MANBA: variants seen among roughly 807,000 people sequenced by gnomAD.
MANBA encodes mannosidase beta.
Under a neutral mutation model 111.1 loss-of-function variants are expected in MANBA, and 83 were observed. That is an observed-to-expected ratio of 0.75 (90% CI 0.63 to 0.90). MANBA has a LOEUF of 0.90. MANBA is among the 40% of genes least tolerant of loss of function. The pLI is 0.00. For synonymous variants in MANBA, 370 were observed against 378.7 expected (o/e 0.98, Z 0.27); for missense variants, 1,036 against 1,069.0 (o/e 0.97, Z 0.43).
At chr4:102,728,606 G>A in intron 1 of MANBA, 1 of 475,216 alleles carries the variant, frequency 2.1e-6, no homozygotes, top group South Asian at 2.1e-5. Flanking sequence ...AGGCATGGGG[G>A]GTCCCCAGGT....
intron 10 of MANBA, chr4:102,665,171 C>T: frequency 3.9e-6 from 1 of 258,830 alleles, no homozygotes; most frequent in Non-Finnish European, 7.5e-6. Flanking sequence ...CTGTGGATTG[C>T]CACAAAGAAA....
intron 5 of MANBA, among the ~76,000 whole-genome samples, chr4:102,692,801 T>C (rs992669931): frequency 6.6e-6 from 1 of 151,866 alleles, no homozygotes; most frequent in Non-Finnish European, 1.5e-5. Context: ...AGCTGAGAAG[T>C]ATCTTAGAGA....
intron 1 of MANBA, chr4:102,728,321 C>CT (rs1391050121): frequency 1.9e-6 from 1 of 534,616 alleles, no homozygotes; most frequent in Non-Finnish European, 3.8e-6. Context: ...CTGGATGCTC[C>CT]TTGGGCCCAT....
chr4:102,638,489 C>T (rs1729726953), intron 14 of MANBA, among the ~76,000 whole-genome samples: 1 of 151,986 alleles, frequency 6.6e-6, no homozygotes, highest in South Asian at 2.1e-4. Flanking sequence ...TCCCACAGAC[C>T]TACTCTTCCT....
chr4:102,698,837 T>C (rs1236779411), intron 5 of MANBA, among the ~76,000 whole-genome samples: 4 of 151,584 alleles, frequency 2.6e-5, no homozygotes, highest in South Asian at 2.1e-4. Flanking sequence ...CTTGGCGATG[T>C]GGGCTCTTTT....
intron 12 of MANBA, chr4:102,650,960 T>C: frequency 2.3e-6 from 1 of 426,428 alleles, no homozygotes; most frequent in Non-Finnish European, 4.3e-6. Flanking sequence ...TATTTTGATG[T>C]TTCTCTTAAG....
rs772803127 is a variant in MANBA, at chr4:102,760,937, A to G, written c.-43T>C. ...CCGAGATGTGGAGAGATCGAAAGGCAGCGCTGCAAGGGACCGGCGGTGAAG... is the reference window on the plus strand; with the variant it reads ...CCGAGATGTGGAGAGATCGAAAGGCGGCGCTGCAAGGGACCGGCGGTGAAG... On this transcript the variant is annotated 5_prime_UTR_variant, in exon 1 of 17. Transcript: ENST00000647097. The G allele has an allele frequency of 7.2e-6, 11 of 1,528,152 alleles. No individual in the cohort carries two copies. The allele number at this position is 1,528,152 out of a possible 1,614,324, so 94.7% of individuals were successfully genotyped here.
At chr4:102,699,019 C>T (rs1240977608) in intron 5 of MANBA, among the ~76,000 whole-genome samples, 3 of 151,918 alleles carry the variant, frequency 2.0e-5, no homozygotes, top group Non-Finnish European at 2.9e-5. Context: ...TGTTTGTATC[C>T]TCTTTTATTT....
At chr4:102,743,413 C>T (rs1723480810) in intron 1 of MANBA, among the ~76,000 whole-genome samples, 1 of 152,172 alleles carries the variant, frequency 6.6e-6, no homozygotes, top group Non-Finnish European at 1.5e-5. Flanking sequence ...CAGGGATGTC[C>T]TAGAAAGGGG....
chr4:102,643,456 C>T (rs1729967613), intron 13 of MANBA, among the ~76,000 whole-genome samples: 1 of 152,122 alleles, frequency 6.6e-6, no homozygotes, highest in African/African-American at 2.4e-5. Flanking sequence ...CTATGTCTAA[C>T]TTTTTAAGGA....
At chr4:102,639,031 G>A (rs1412043359) in intron 14 of MANBA, among the ~76,000 whole-genome samples, 2 of 152,150 alleles carry the variant, frequency 1.3e-5, no homozygotes, top group African/African-American at 2.4e-5. Flanking sequence ...CATCTCTAGT[G>A]AAGGGCAAAG....
chr4:102,669,302 G>A (rs1007195387), intron 9 of MANBA, among the ~76,000 whole-genome samples: 2 of 152,084 alleles, frequency 1.3e-5, no homozygotes, highest in African/African-American at 4.8e-5. Flanking sequence ...AGAGAAGATG[G>A]AAGAATTTGA....
At chr4:102,748,136 C>A (rs908642566) in intron 1 of MANBA, among the ~76,000 whole-genome samples, 9 of 152,152 alleles carry the variant, frequency 5.9e-5, no homozygotes, top group African/African-American at 2.2e-4. Context: ...GTTGGTGAAA[C>A]CTTTTCTGCA....
intron 12 of MANBA, among the ~76,000 whole-genome samples, chr4:102,653,548 A>G (rs180807751): frequency 4.3e-4 from 65 of 152,290 alleles, no homozygotes; most frequent in African/African-American, 1.2e-3. Flanking sequence ...CCAAAGTTTT[A>G]TTTAGTTTTT....
intron 1 of MANBA, chr4:102,729,829 A>G (rs113779495): frequency 0.029 from 38,048 of 1,294,918 alleles, 2,932 homozygotes; most frequent in African/African-American, 0.28. Context: ...ATCTTGTTCT[A>G]CTGCTCCAGG....
At chr4:102,707,471 T>C (rs1256485557) in intron 5 of MANBA, among the ~76,000 whole-genome samples, 1 of 152,044 alleles carries the variant, frequency 6.6e-6, no homozygotes, top group African/African-American at 2.4e-5. Context: ...ATATCTACCA[T>C]CATGAAGATA....
intron 11 of MANBA, among the ~76,000 whole-genome samples, chr4:102,659,443 GA>G (rs1007993377): frequency 3.3e-5 from 5 of 150,854 alleles, no homozygotes; most frequent in Admixed American, 6.6e-5. Context: ...CTGCTATTAA[GA>G]AAAAAAAATC....
intron 11 of MANBA, among the ~76,000 whole-genome samples, chr4:102,659,853 T>C (rs1270603620): frequency 6.6e-6 from 1 of 152,162 alleles, no homozygotes; most frequent in Admixed American, 6.5e-5. Context: ...TGGCTGTTTG[T>C]TCACAATTCT....
intron 12 of MANBA, among the ~76,000 whole-genome samples, chr4:102,653,220 GCACA>G (rs71596357): frequency 0.17 from 24,764 of 144,618 alleles, 2,445 homozygotes; most frequent in African/African-American, 0.28. Flanking sequence ...AGATCTACAT[GCACA>G]CACACACACA....
Sources: gnomAD v4.1 joint callset for allele counts (sites outside exome capture counted in the v4.1 genomes callset) on GRCh38, gnomAD v4.1.1 for gene constraint, MANE v1.5 for transcripts, NCBI Gene and HGNC (gene_info 2026-07-23, HGNC 2026-07-21) for gene names.